The following SLC35F4 variants were observed in gnomAD, a reference collection of about 807,000 sequenced individuals.
SLC35F4 encodes the protein solute carrier family 35 member F4.
In SLC35F4, 24 loss-of-function variants were observed where a neutral mutation model predicts 44.2. The observed-to-expected ratio is 0.54, with a 90% CI of 0.39 to 0.76. The LOEUF (loss-of-function observed/expected upper bound fraction) is 0.76, where lower values mean the gene tolerates loss of function less well. Ranked by LOEUF, SLC35F4 falls within the 30% of genes least tolerant of loss-of-function variation. The pLI, the probability that SLC35F4 is intolerant of heterozygous loss-of-function variation, is 0.00. For synonymous variants in SLC35F4, 238 were observed against 223.6 expected, an observed-to-expected ratio of 1.06 and a Z score of -0.57; for missense variants, 562 against 586.1, an observed-to-expected ratio of 0.96 and a Z score of 0.42.
intron 1 of SLC35F4, among the ~76,000 whole-genome samples, chr14:57,865,203 C>T (rs935605934): frequency 6.6e-6 from 1 of 152,056 alleles, no homozygotes; most frequent in Non-Finnish European, 1.5e-5. Flanking sequence ...GCGCTGGCAG[C>T]GTCTCAACAG....
At chr14:57,948,272 T>C (rs963252360) in intron 1 of SLC35F4, among the ~76,000 whole-genome samples, 3 of 152,166 alleles carry the variant, frequency 2.0e-5, no homozygotes, top group Admixed American at 6.5e-5. Context: ...GGATTGTATA[T>C]TTCCAGGAAT....
chr14:57,959,314 T>C (rs1890300086), intron 1 of SLC35F4, among the ~76,000 whole-genome samples: 1 of 152,226 alleles, frequency 6.6e-6, no homozygotes, highest in South Asian at 2.1e-4. Flanking sequence ...TTTTAAAATA[T>C]TTTTAAAACT....
intron 3 of SLC35F4, among the ~76,000 whole-genome samples, chr14:57,586,735 AAAAAAAAAAAAAGAC>A (rs2069760677): frequency 6.8e-6 from 1 of 146,020 alleles, no homozygotes; most frequent in Admixed American, 6.7e-5. Flanking sequence ...AAAAAAAAAA[AAAAAAAAAAAAAGAC>A]TTCATGACTA....
intron 1 of SLC35F4, among the ~76,000 whole-genome samples, chr14:57,806,978 A>G (rs968612638): frequency 1.9e-4 from 29 of 152,244 alleles, no homozygotes; most frequent in Non-Finnish European, 3.5e-4. Flanking sequence ...TAATAAGCTT[A>G]TCAGAACAAA....
intron 1 of SLC35F4, among the ~76,000 whole-genome samples, chr14:57,646,786 G>A (rs1408126140): frequency 6.6e-6 from 1 of 152,168 alleles, no homozygotes; most frequent in Non-Finnish European, 1.5e-5. Flanking sequence ...TCTACACACT[G>A]CTTTTAATGT....
intron 1 of SLC35F4, among the ~76,000 whole-genome samples, chr14:57,650,050 C>T (rs1021707761): frequency 2.6e-5 from 4 of 152,128 alleles, no homozygotes; most frequent in Admixed American, 6.6e-5. Flanking sequence ...TGGAGTTCCT[C>T]CTACTTCCCC....
At chr14:57,568,108 G>A (rs1015002615) in intron 6 of SLC35F4, among the ~76,000 whole-genome samples, 2 of 152,206 alleles carry the variant, frequency 1.3e-5, no homozygotes, top group South Asian at 2.1e-4. Flanking sequence ...CTATCTCCTC[G>A]ATTGCCACAG....
At chr14:57,943,074 C>A (rs1192772176) in intron 1 of SLC35F4, among the ~76,000 whole-genome samples, 3 of 152,270 alleles carry the variant, frequency 2.0e-5, no homozygotes, top group East Asian at 3.9e-4. Context: ...CTATGTGAGC[C>A]CCATTCCCTA....
intron 1 of SLC35F4, among the ~76,000 whole-genome samples, chr14:57,837,930 A>G (rs1382521436): frequency 6.6e-6 from 1 of 152,172 alleles, no homozygotes; most frequent in African/African-American, 2.4e-5. Context: ...CATTTTTGAC[A>G]TGCTTTTCCG....
rs12878744 is a variant in SLC35F4 at position 57,903,211 on chromosome 14, C to T, written n.282+78702G>A. The stretch of plus-strand genomic sequence containing the variant: ...AAGAGAGATCAGGTTCAACTCTCAA[C>T]ACAATAAGGAAAAGTGGGAATTTGT... On this transcript the variant is annotated intron_variant and non_coding_transcript_variant, in intron 1 of 1. Coordinates refer to the SLC35F4 transcript ENST00000556568. Among the ~76,000 whole-genome samples, 1,428 of 152,212 alleles carry T rather than the reference C, an allele frequency of 9.4e-3. 14 individuals carry two copies. The highest frequency in any genetic ancestry group is 0.013 in the Non-Finnish European group (893 of 68,004).
intron 1 of SLC35F4, among the ~76,000 whole-genome samples, chr14:57,703,133 T>C (rs745967563): frequency 4.7e-4 from 72 of 152,090 alleles, no homozygotes; most frequent in Non-Finnish European, 8.2e-4. Flanking sequence ...CAAGTCAGGT[T>C]TTTTGCCACC....
rs1201023635 is a variant in SLC35F4, at chr14:57,861,313, C to G, written c.103+4410G>C. ...CACTTTCCCAAACGGGCCCCACACACCTTACCCTATATCCATGTTCCTATC... is the reference window on the plus strand; with the variant it reads ...CACTTTCCCAAACGGGCCCCACACAGCTTACCCTATATCCATGTTCCTATC... On this transcript the variant is annotated intron_variant, in intron 1 of 7. Coordinates refer to ENST00000556826, the MANE Select transcript of SLC35F4 (RefSeq NM_001306087.2). Among the ~76,000 whole-genome samples the G allele has an allele frequency of 4.6e-5, 7 of 152,284 alleles. No individual in the cohort carries two copies. In the East Asian group the frequency reaches 1.2e-3, roughly 25 times the overall value.
chr14:57,955,611 T>C (rs1435723669), intron 1 of SLC35F4, among the ~76,000 whole-genome samples: 2 of 152,176 alleles, frequency 1.3e-5, no homozygotes, highest in African/African-American at 4.8e-5. Context: ...ACAAAATCAA[T>C]GTGCAAAAAT....
chr14:57,766,823 T>C (rs1233827847), intron 1 of SLC35F4, among the ~76,000 whole-genome samples: 1 of 152,188 alleles, frequency 6.6e-6, no homozygotes, highest in Non-Finnish European at 1.5e-5. Context: ...CTTTAATATA[T>C]CAATAATTAC....
chr14:57,728,610 CAGT>C (rs2076270972), intron 1 of SLC35F4, among the ~76,000 whole-genome samples: 4 of 151,752 alleles, frequency 2.6e-5, no homozygotes, highest in South Asian at 4.2e-4. Context: ...CCACTACGCC[CAGT>C]TAATTTTTAT....
At chr14:57,757,475 T>C (rs2077020572) in intron 1 of SLC35F4, among the ~76,000 whole-genome samples, 1 of 152,144 alleles carries the variant, frequency 6.6e-6, no homozygotes, top group Non-Finnish European at 1.5e-5. Context: ...ATGAAGTGAG[T>C]TTTTTAAATG....
At chr14:57,592,545 T>C (rs895913599) in intron 2 of SLC35F4, among the ~76,000 whole-genome samples, 3 of 152,230 alleles carry the variant, frequency 2.0e-5, no homozygotes, top group Non-Finnish European at 4.4e-5. Flanking sequence ...TTTAATTAAC[T>C]GGAACATTTT....
At chr14:57,847,451 T>C (rs1260400567) in intron 1 of SLC35F4, among the ~76,000 whole-genome samples, 1 of 152,210 alleles carries the variant, frequency 6.6e-6, no homozygotes, top group Non-Finnish European at 1.5e-5. Context: ...CTTCTGTTAC[T>C]TTGAAAATTC....
At chr14:57,815,417 G>A (rs1351436005) in intron 1 of SLC35F4, among the ~76,000 whole-genome samples, 1 of 152,110 alleles carries the variant, frequency 6.6e-6, no homozygotes, top group Non-Finnish European at 1.5e-5. Flanking sequence ...TGGCAAATTG[G>A]CATCTAAGTC....
Sources: allele counts gnomAD v4.1 joint callset (sites outside exome capture counted in the v4.1 genomes callset), GRCh38; gene constraint gnomAD v4.1.1; transcripts MANE v1.5; gene names NCBI Gene and HGNC (gene_info 2026-07-23, HGNC 2026-07-21).